ATP8B4: variants seen among roughly 807,000 people sequenced by gnomAD.
The protein encoded by ATP8B4 is ATPase phospholipid transporting 8B4 (putative), also known as probable phospholipid-transporting ATPase IM.
ATP8B4 carries 133 observed loss-of-function variants against 145.6 expected under a neutral mutation model. That is an observed-to-expected ratio of 0.91 (90% CI 0.79 to 1.05). The LOEUF (loss-of-function observed/expected upper bound fraction) is 1.05. Ranked by LOEUF, ATP8B4 falls within the 50% of genes least tolerant of loss-of-function variation. ATP8B4 has a pLI of 0.00. For synonymous variants in ATP8B4, 507 were observed against 492.9 expected (o/e 1.03, Z -0.38); for missense variants, 1,458 against 1,425.2 (o/e 1.02, Z -0.37).
intron 1 of ATP8B4, among the ~76,000 whole-genome samples, chr15:50,131,603 C>A (rs1413064441): frequency 6.6e-6 from 1 of 152,048 alleles, no homozygotes; most frequent in Non-Finnish European, 1.5e-5. Flanking sequence ...AGCTCTAGTT[C>A]ATCACAATTA....
At chr15:50,155,359 C>A (rs1226249391) in intron 1 of ATP8B4, among the ~76,000 whole-genome samples, 1 of 151,970 alleles carries the variant, frequency 6.6e-6, no homozygotes, top group Admixed American at 6.5e-5. Context: ...ATGTTTATAG[C>A]TTATATGTTT....
intron 3 of ATP8B4, among the ~76,000 whole-genome samples, chr15:50,073,620 G>A (rs1327756047): frequency 1.3e-5 from 2 of 152,148 alleles, no homozygotes; most frequent in Non-Finnish European, 2.9e-5. Context: ...TGGGATTGCT[G>A]GGTCAAATAG....
intron 1 of ATP8B4, among the ~76,000 whole-genome samples, chr15:50,160,100 G>A (rs2044494746): frequency 9.6e-6 from 1 of 103,666 alleles, no homozygotes. Flanking sequence ...TTCAGGTTTT[G>A]GATTTCTGCA....
intron 25 of ATP8B4, among the ~76,000 whole-genome samples, chr15:49,875,938 A>G (rs775035209): frequency 1.3e-5 from 2 of 152,320 alleles, no homozygotes; most frequent in Admixed American, 1.3e-4. Flanking sequence ...TAAAGAAATC[A>G]TGGGAAAGTT....
intron 27 of ATP8B4, 98 bp from the exon 28 acceptor site, chr15:49,860,573 T>C (rs2031485715): frequency 1.5e-6 from 2 of 1,352,960 alleles, no homozygotes; most frequent in East Asian, 2.4e-5. Flanking sequence ...TTTTTATAAG[T>C]AAAAACAACA....
At chr15:49,870,408 G>A (rs1034378237) in intron 25 of ATP8B4, among the ~76,000 whole-genome samples, 15 of 152,128 alleles carry the variant, frequency 9.9e-5, no homozygotes, top group Non-Finnish European at 1.6e-4. Context: ...AAACACTTTT[G>A]TACTCTTTGA....
intron 19 of ATP8B4, among the ~76,000 whole-genome samples, chr15:49,918,631 C>A (rs2153452794): frequency 6.6e-6 from 1 of 152,296 alleles, no homozygotes; most frequent in Middle Eastern, 3.4e-3. Context: ...CTGACTCCAG[C>A]TTATACTATG....
intron 1 of ATP8B4, among the ~76,000 whole-genome samples, chr15:50,166,250 T>A (rs2044597391): frequency 6.6e-6 from 1 of 152,102 alleles, no homozygotes; most frequent in Admixed American, 6.5e-5. Flanking sequence ...TGCCAGCAGA[T>A]CTCCAGTACA....
intron 1 of ATP8B4, among the ~76,000 whole-genome samples, chr15:50,181,098 A>G (rs1049774895): frequency 2.6e-5 from 4 of 152,216 alleles, no homozygotes; most frequent in African/African-American, 9.6e-5. Context: ...GTAAATGAGC[A>G]TGAAAGTGCC....
At chr15:50,169,538 G>A (rs1180682480) in intron 1 of ATP8B4, among the ~76,000 whole-genome samples, 1 of 152,200 alleles carries the variant, frequency 6.6e-6, no homozygotes, top group Admixed American at 6.5e-5. Flanking sequence ...ACACCCTTCA[G>A]CCCTAGACCT....
intron 7 of ATP8B4, among the ~76,000 whole-genome samples, chr15:50,007,236 C>T (rs927814261): frequency 6.6e-6 from 1 of 152,128 alleles, no homozygotes; most frequent in Non-Finnish European, 1.5e-5. Flanking sequence ...ATTCTAAGTT[C>T]GAACAGCTAG....
intron 5 of ATP8B4, among the ~76,000 whole-genome samples, chr15:50,043,938 C>A (rs965844502): frequency 2.9e-5 from 4 of 136,228 alleles, no homozygotes; most frequent in African/African-American, 8.4e-5. Flanking sequence ...CCGGCCTGGG[C>A]GACAGAGCGA....
intron 2 of ATP8B4, among the ~76,000 whole-genome samples, chr15:50,104,975 T>C (rs756983505): frequency 6.6e-6 from 1 of 151,918 alleles, no homozygotes; most frequent in Admixed American, 6.6e-5. Context: ...TTGGAGACCA[T>C]TATTCTAAGT....
At chr15:50,170,651 A>G (rs544117328) in intron 1 of ATP8B4, among the ~76,000 whole-genome samples, 1 of 152,074 alleles carries the variant, frequency 6.6e-6, no homozygotes, top group African/African-American at 2.4e-5. Context: ...CAAAACAAAA[A>G]AAAACAAAGT....
intron 14 of ATP8B4, among the ~76,000 whole-genome samples, chr15:49,958,658 T>G (rs2043800222): frequency 6.6e-6 from 1 of 151,870 alleles, no homozygotes; most frequent in Admixed American, 6.6e-5. Context: ...TCTTTGTAAA[T>G]AAATGTGAAA....
intron 20 of ATP8B4, among the ~76,000 whole-genome samples, chr15:49,908,651 C>G (rs990546028): frequency 1.3e-5 from 2 of 152,034 alleles, no homozygotes. Context: ...AAAATGACAG[C>G]AAAGTGTCAT....
intron 1 of ATP8B4, among the ~76,000 whole-genome samples, chr15:50,127,810 T>C (rs1433934162): frequency 6.6e-6 from 1 of 152,206 alleles, no homozygotes; most frequent in Non-Finnish European, 1.5e-5. Flanking sequence ...TATCCCATTA[T>C]ACATAGGGAG....
intron 2 of ATP8B4, among the ~76,000 whole-genome samples, chr15:50,077,779 G>A (rs1350709074): frequency 1.3e-5 from 2 of 152,112 alleles, no homozygotes; most frequent in Non-Finnish European, 2.9e-5. Context: ...GGAAACCAAG[G>A]GTGGGTATTC....
At chr15:49,926,087 C>G (rs1316552656) in intron 16 of ATP8B4, among the ~76,000 whole-genome samples, 1 of 152,050 alleles carries the variant, frequency 6.6e-6, no homozygotes, top group East Asian at 1.9e-4. Context: ...GCAACTGCAT[C>G]ATTTCTATGG....
Sources: gnomAD v4.1 joint callset for allele counts (sites outside exome capture counted in the v4.1 genomes callset) on GRCh38, gnomAD v4.1.1 for gene constraint, MANE v1.5 for transcripts, NCBI Gene and HGNC (gene_info 2026-07-23, HGNC 2026-07-21) for gene names.